CAMTA1: variants seen among roughly 807,000 people sequenced by gnomAD.
CAMTA1 encodes calmodulin-binding transcription activator 1.
Under a neutral mutation model 170.9 loss-of-function variants are expected in CAMTA1, and 27 were observed. That is an observed-to-expected ratio of 0.16 (90% CI 0.12 to 0.22). The LOEUF (loss-of-function observed/expected upper bound fraction) is 0.22, where lower values mean the gene tolerates loss of function less well. Among genes scored for constraint, CAMTA1 ranks in the 10% least tolerant of loss-of-function variants. CAMTA1 has a pLI of 1.00. For missense variants in CAMTA1, 1,619 were observed against 2,217.2 expected, an observed-to-expected ratio of 0.73 and a Z score of 5.42; for synonymous variants, 833 against 891.5, an observed-to-expected ratio of 0.93 and a Z score of 1.17.
intron 3 of CAMTA1, among the ~76,000 whole-genome samples, chr1:7,022,251 T>C (rs974500114): frequency 3.3e-5 from 5 of 152,192 alleles, no homozygotes; most frequent in Non-Finnish European, 7.3e-5. Flanking sequence ...CAGCCACTTA[T>C]GCATTCCCAG....
intron 3 of CAMTA1, among the ~76,000 whole-genome samples, chr1:6,975,589 C>T (rs1572154247): frequency 6.6e-6 from 1 of 151,950 alleles, no homozygotes; most frequent in Non-Finnish European, 1.5e-5. Context: ...TGATGGGGAG[C>T]GTGGCAGGAG....
intron 5 of CAMTA1, among the ~76,000 whole-genome samples, chr1:7,322,495 A>G (rs1678581808): frequency 6.6e-6 from 1 of 152,242 alleles, no homozygotes; most frequent in African/African-American, 2.4e-5. Context: ...TTTATTTATA[A>G]AAACAGATGG....
In CAMTA1 at chr1:7,502,757, C is replaced by T. The variant is rs541798441; in HGVS notation, c.510+34856C>T. On this transcript the variant is annotated intron_variant, in intron 6 of 22. Transcript: ENST00000303635. ...AATGCCGACGGAGATGTGAAGTCAG[C>T]GCAAGAATAGAAATGGCCTCGCTGG... Among the ~76,000 whole-genome samples, 7 of 152,298 alleles carry T rather than the reference C, an allele frequency of 4.6e-5. No individual in the cohort carries two copies. In the South Asian group the frequency reaches 6.2e-4, roughly 14 times the overall value.
intron 6 of CAMTA1, among the ~76,000 whole-genome samples, chr1:7,480,347 ATGTG>A (rs551899967): frequency 1.3e-4 from 19 of 146,086 alleles, no homozygotes; most frequent in African/African-American, 4.8e-4. Context: ...GTATATGTGC[ATGTG>A]TGTGTTTGTG....
chr1:7,106,816 T>C (rs539088329), intron 4 of CAMTA1, among the ~76,000 whole-genome samples: 1 of 152,214 alleles, frequency 6.6e-6, no homozygotes, highest in East Asian at 1.9e-4. Flanking sequence ...CTAATTGGCT[T>C]GGAAAGTGGC....
At chr1:6,923,975 G>C (rs1682567690) in intron 3 of CAMTA1, among the ~76,000 whole-genome samples, 1 of 152,190 alleles carries the variant, frequency 6.6e-6, no homozygotes, top group African/African-American at 2.4e-5. Context: ...ACTCGCCCAA[G>C]ACCATTAGGC....
At chr1:7,203,742 C>CT (rs370971080) in intron 4 of CAMTA1, among the ~76,000 whole-genome samples, 16 of 144,670 alleles carry the variant, frequency 1.1e-4, no homozygotes, top group Middle Eastern at 3.6e-3. Flanking sequence ...TGAGTTTTCT[C>CT]TTTTTTTTTT....
chr1:7,227,562 C>A (rs553047664), intron 4 of CAMTA1, among the ~76,000 whole-genome samples: 1 of 152,274 alleles, frequency 6.6e-6, no homozygotes, highest in South Asian at 2.1e-4. Flanking sequence ...CTCCCAACCT[C>A]AGGTGATCCA....
At chr1:7,346,285 G>C (rs997889456) in intron 5 of CAMTA1, among the ~76,000 whole-genome samples, 3 of 152,134 alleles carry the variant, frequency 2.0e-5, no homozygotes, top group Non-Finnish European at 1.5e-5. Context: ...CTCCCTCTCT[G>C]ATCCTCAGGT....
intron 4 of CAMTA1, among the ~76,000 whole-genome samples, chr1:7,117,901 C>A (rs1034114954): frequency 2.0e-5 from 3 of 152,174 alleles, no homozygotes; most frequent in African/African-American, 7.2e-5. Context: ...CTCAGGCAGC[C>A]CTTTTAACTC....
intron 5 of CAMTA1, among the ~76,000 whole-genome samples, chr1:7,352,798 C>G (rs943670730): frequency 2.0e-5 from 3 of 152,222 alleles, no homozygotes; most frequent in Non-Finnish European, 4.4e-5. Context: ...GTTACACCTC[C>G]TCCCTAGCTG....
At chr1:7,488,753 T>C (rs2093657391) in intron 6 of CAMTA1, among the ~76,000 whole-genome samples, 1 of 152,124 alleles carries the variant, frequency 6.6e-6, no homozygotes, top group South Asian at 2.1e-4. Flanking sequence ...TATATACACA[T>C]ACATGTACAT....
At chr1:7,154,794 C>T (rs905289155) in intron 4 of CAMTA1, among the ~76,000 whole-genome samples, 45 of 152,116 alleles carry the variant, frequency 3.0e-4, no homozygotes, top group African/African-American at 1.1e-3. Flanking sequence ...TATTGGACTC[C>T]AAATCTTTAC....
intron 3 of CAMTA1, among the ~76,000 whole-genome samples, chr1:6,942,088 T>TTA (rs397956496): frequency 1.3e-5 from 2 of 151,462 alleles, no homozygotes; most frequent in East Asian, 3.9e-4. Context: ...TTTTTTTTTT[T>TTA]AAAGAAATCT....
intron 5 of CAMTA1, among the ~76,000 whole-genome samples, chr1:7,360,041 T>C (rs2085423061): frequency 6.6e-6 from 1 of 152,158 alleles, no homozygotes; most frequent in Admixed American, 6.5e-5. Flanking sequence ...CCTTGGCTTG[T>C]AGAAGCATCA....
chr1:7,309,596 G>A (rs1676155441), intron 5 of CAMTA1, among the ~76,000 whole-genome samples: 1 of 152,048 alleles, frequency 6.6e-6, no homozygotes, highest in Non-Finnish European at 1.5e-5. Flanking sequence ...GCCGCGCCCG[G>A]CCTGAAAACT....
At position 7,677,660 on chromosome 1, in the gene CAMTA1, G is replaced by A. The variant is rs372537435; in HGVS notation, c.2841G>A (p.Ser947=). 210 of 1,613,992 alleles carry A rather than the reference G, an allele frequency of 1.3e-4. No homozygotes were observed. The highest frequency in any genetic ancestry group is 1.2e-4 in the Admixed American group (7 of 60,010). ...TCAACAACCAGATCATCTCCAACTC[G>A]GTGGTGTTTGAGTACAAAGCCCGGG... ...VAFNNQIISN[S]VVFEYKARAL... is the part of the protein sequence containing the mutation. Residue 947 remains serine, a synonymous_variant, in exon 11 of 23, where the codon TCG becomes TCA. Coordinates refer to ENST00000303635, the MANE Select transcript of CAMTA1 (RefSeq NM_015215.4).
At chr1:7,334,430 G>C (rs1194991708) in intron 5 of CAMTA1, among the ~76,000 whole-genome samples, 1 of 152,238 alleles carries the variant, frequency 6.6e-6, no homozygotes, top group Non-Finnish European at 1.5e-5. Context: ...GAGGCAGTCA[G>C]TTCTTTTGGA....
intron 6 of CAMTA1, among the ~76,000 whole-genome samples, chr1:7,560,378 G>A (rs915507585): frequency 2.0e-5 from 3 of 152,256 alleles, no homozygotes; most frequent in Non-Finnish European, 4.4e-5. Flanking sequence ...GTGAGAGGCT[G>A]AGCAGAGTCT....
Sources: gnomAD v4.1 joint callset for allele counts (sites outside exome capture counted in the v4.1 genomes callset) on GRCh38, gnomAD v4.1.1 for gene constraint, MANE v1.5 for transcripts, NCBI Gene and HGNC (gene_info 2026-07-23, HGNC 2026-07-21) for gene names.